The following SAMD12 variants were observed in gnomAD, a reference collection of about 807,000 sequenced individuals.
SAMD12 encodes sterile alpha motif domain containing 12.
SAMD12 carries 9 observed loss-of-function variants against 15.0 expected under a neutral mutation model. That is an observed-to-expected ratio of 0.60 (90% CI 0.36 to 1.05). SAMD12 has a LOEUF of 1.05. Ranked by LOEUF, SAMD12 falls within the 50% of genes least tolerant of loss-of-function variation. SAMD12 has a pLI of 0.01. For missense variants in SAMD12, 230 were observed against 234.2 expected (o/e 0.98, Z 0.12); for synonymous variants, 86 against 90.1 (o/e 0.96, Z 0.25).
chr8:118,344,439 C>A (rs1817528536), intron 4 of SAMD12, among the ~76,000 whole-genome samples: 1 of 152,170 alleles, frequency 6.6e-6, no homozygotes, highest in Non-Finnish European at 1.5e-5. Flanking sequence ...TCAGCCCTTG[C>A]AACATTGTAA....
In SAMD12 at chr8:118,444,386, AC is replaced by A. The variant is rs1822845982; in HGVS notation, c.193-4426del. Among the ~76,000 whole-genome samples the A allele has an allele frequency of 2.0e-5, 3 of 152,298 alleles. No homozygotes were observed. In the South Asian group the frequency reaches 6.2e-4, roughly 32 times the overall value. On this transcript the variant is annotated intron_variant, in intron 2 of 3. Transcript: ENST00000314727. Reference sequence around the variant, plus strand: ...ATAGTGACACCAAGCAGAATTCCAGACATTTCCTTTCTGAATTGGTCCTGGC... The same window carrying A: ...ATAGTGACACCAAGCAGAATTCCAGAATTTCCTTTCTGAATTGGTCCTGGC...
At chr8:118,297,478 T>C (rs1286848121) in intron 4 of SAMD12, among the ~76,000 whole-genome samples, 1 of 152,230 alleles carries the variant, frequency 6.6e-6, no homozygotes, top group Non-Finnish European at 1.5e-5. Flanking sequence ...AGGAGCAGCA[T>C]ACATTGGATA....
At chr8:118,412,433 T>A (rs1476452124) in intron 3 of SAMD12, among the ~76,000 whole-genome samples, 1 of 152,144 alleles carries the variant, frequency 6.6e-6, no homozygotes, top group African/African-American at 2.4e-5. Flanking sequence ...AACTTATACA[T>A]AAAATAGAAA....
At chr8:118,223,663 A>G (rs865860839) in intron 4 of SAMD12, among the ~76,000 whole-genome samples, 26 of 152,334 alleles carry the variant, frequency 1.7e-4, no homozygotes, top group African/African-American at 6.0e-4. Context: ...GTTTCTGAGA[A>G]CAATCAATAG....
At chr8:118,334,101 A>G (rs1047884013) in intron 4 of SAMD12, among the ~76,000 whole-genome samples, 4 of 152,178 alleles carry the variant, frequency 2.6e-5, no homozygotes, top group African/African-American at 9.7e-5. Flanking sequence ...CCACAGTTAG[A>G]AATATAAACA....
At chr8:118,481,366 C>T (rs1351256668) in intron 2 of SAMD12, among the ~76,000 whole-genome samples, 1 of 152,134 alleles carries the variant, frequency 6.6e-6, no homozygotes, top group African/African-American at 2.4e-5. Flanking sequence ...TAACACCTAG[C>T]AGTGTTCTCA....
chr8:118,166,895 C>A, the SAMD12 span, among the ~76,000 whole-genome samples: 1 of 152,188 alleles, frequency 6.6e-6, no homozygotes, highest in African/African-American at 2.4e-5. Context: ...CTCTCCCATG[C>A]TCAAGAACTG....
At position 118,379,510 on chromosome 8, in the gene SAMD12, C is replaced by T. The variant is rs753309875; in HGVS notation, c.513G>A (p.Lys171=). The T allele has an allele frequency of 1.2e-6, 2 of 1,613,856 alleles. No individual in the cohort carries two copies. Among genetic ancestry groups the T allele is most frequent in the Non-Finnish European group, 1.7e-6 (2 of 1,179,842 alleles). The change falls in exon 4 of 4, where the codon AAG becomes AAA. Residue 171 remains lysine, a synonymous_variant. Transcript: ENST00000314727. ...DGWMDGEIRR[K]TTLLLGQTGV... ...CTGTCTGTCCTAATAGTAAGGTGGT[C>T]TTTCTTCTAATCTCCCCATCCATCC...
At chr8:118,152,100 A>G in the SAMD12 span, among the ~76,000 whole-genome samples, 1 of 152,198 alleles carries the variant, frequency 6.6e-6, no homozygotes, top group Non-Finnish European at 1.5e-5. Context: ...ACAAAGTAGA[A>G]AAGGGTTCAG....
chr8:118,401,875 G>A (rs1407479868), intron 3 of SAMD12, among the ~76,000 whole-genome samples: 2 of 152,124 alleles, frequency 1.3e-5, no homozygotes, highest in Non-Finnish European at 2.9e-5. Context: ...TTTATTTTCA[G>A]AATGTCTTCT....
the SAMD12 span, among the ~76,000 whole-genome samples, chr8:118,171,987 G>T: frequency 6.6e-6 from 1 of 152,014 alleles, no homozygotes; most frequent in Non-Finnish European, 1.5e-5. Flanking sequence ...CCATCACTCT[G>T]AGCAAACTAT....
intron 2 of SAMD12, among the ~76,000 whole-genome samples, chr8:118,525,415 A>G (rs1295930351): frequency 1.3e-5 from 2 of 152,074 alleles, no homozygotes; most frequent in Non-Finnish European, 2.9e-5. Flanking sequence ...ATCTTTCTTC[A>G]TTGACTCAAA....
chr8:118,482,809 A>G (rs1824164680), intron 2 of SAMD12, among the ~76,000 whole-genome samples: 1 of 152,216 alleles, frequency 6.6e-6, no homozygotes, highest in South Asian at 2.1e-4. Context: ...ACCTCACCCT[A>G]TAATGAGGAC....
chr8:118,380,213 CCA>C (rs1425160238), intron 3 of SAMD12, among the ~76,000 whole-genome samples: 2 of 152,186 alleles, frequency 1.3e-5, no homozygotes, highest in African/African-American at 4.8e-5. Flanking sequence ...CATTTAAAGT[CCA>C]GTTTTAATCT....
At chr8:118,550,165 G>A (rs929951078) in intron 2 of SAMD12, among the ~76,000 whole-genome samples, 9 of 152,118 alleles carry the variant, frequency 5.9e-5, no homozygotes, top group African/African-American at 2.2e-4. Flanking sequence ...TCAGATTCAG[G>A]AAACACAGAG....
chr8:118,450,511 C>T (rs1480222065), intron 2 of SAMD12, among the ~76,000 whole-genome samples: 4 of 152,088 alleles, frequency 2.6e-5, no homozygotes, highest in Non-Finnish European at 4.4e-5. Context: ...TACCAAGGGG[C>T]AAATCCCTCT....
chr8:118,239,570 G>A lies in SAMD12; in HGVS notation c.434-41838C>T, dbSNP rs1397446606. 3.3e-5 allele frequency among the ~76,000 whole-genome samples: 5 copies of A among 152,066 alleles called. No homozygotes were observed. In the East Asian group the frequency reaches 5.8e-4, roughly 18 times the overall value. On this transcript the variant is annotated intron_variant, in intron 4 of 4. Transcript: ENST00000409003. ...CTCCCAGCAAATATGAGCACAGATG[G>A]GTTTTTCTTACACCAAAGACTTTCC...
At chr8:118,155,192 A>G in the SAMD12 span, among the ~76,000 whole-genome samples, 45,433 of 151,960 alleles carry the variant, frequency 0.3, 6,763 homozygotes, top group Admixed American at 0.33. Flanking sequence ...TGTGGGTTCA[A>G]TCAAGCTGTT....
chr8:118,586,430 C>G (rs117482115), intron 1 of SAMD12, among the ~76,000 whole-genome samples: 2 of 151,032 alleles, frequency 1.3e-5, no homozygotes, highest in Admixed American at 1.3e-4. Flanking sequence ...GCAGTCTCAA[C>G]CTCGCAGGCT....
Sources: gnomAD v4.1 joint callset for allele counts (sites outside exome capture counted in the v4.1 genomes callset) on GRCh38, gnomAD v4.1.1 for gene constraint, MANE v1.5 for transcripts, NCBI Gene and HGNC (gene_info 2026-07-23, HGNC 2026-07-21) for gene names.